The following MAPK9 variants were observed in gnomAD, a reference collection of about 807,000 sequenced individuals.
The protein encoded by MAPK9 is mitogen-activated protein kinase 9, also known as Jun kinase.
A neutral mutation model predicts 57.1 loss-of-function variants in MAPK9; 30 were observed. That is an observed-to-expected ratio of 0.53 (90% CI 0.39 to 0.71). MAPK9 has a LOEUF of 0.71. MAPK9 is among the 30% of genes least tolerant of loss of function. The probability of loss-of-function intolerance (pLI) is 0.00; values close to 1 mark genes in which losing one functional copy is unlikely to be tolerated. For synonymous variants in MAPK9, 155 were observed against 177.0 expected, an observed-to-expected ratio of 0.88 and a Z score of 0.99; for missense variants, 362 against 521.0, an observed-to-expected ratio of 0.69 and a Z score of 2.97.
At chr5:180,254,676 ATAAC>A (rs1401510252) in intron 5 of MAPK9, among the ~76,000 whole-genome samples, 12 of 152,232 alleles carry the variant, frequency 7.9e-5, no homozygotes, top group Admixed American at 7.9e-4. Flanking sequence ...CAAGGAATAA[ATAAC>A]TGAGTTTAAA....
At position 180,252,911 on chromosome 5, in the gene MAPK9, CT is replaced by C. The variant is rs957029302; in HGVS notation, c.451-3774del. On this transcript the variant is annotated intron_variant, in intron 5 of 11. Coordinates refer to ENST00000452135, the MANE Select transcript of MAPK9 (RefSeq NM_002752.5). ...CTAACCTCTGTCTTCCAGATTTCCC[CT>C]GAGGAAGAGAGAACCATGGGCGCCA... 4.1e-4 allele frequency among the ~76,000 whole-genome samples: 63 copies of C among 152,198 alleles called. 1 individual carries two copies. Among genetic ancestry groups the C allele is most frequent in the African/African-American group, 1.4e-3 (56 of 41,440 alleles).
chr5:180,249,369 G>T (rs1758439874), intron 5 of MAPK9, among the ~76,000 whole-genome samples: 1 of 152,082 alleles, frequency 6.6e-6, no homozygotes, highest in Admixed American at 6.5e-5. Context: ...GCCCCCATTT[G>T]CCCTTTCTGT....
In MAPK9 at chr5:180,236,171, G is replaced by C. The variant is rs1396971305; in HGVS notation, c.*213C>G. The C allele has an allele frequency of 2.4e-6, 1 of 420,064 alleles. No individual in the cohort carries two copies. Among genetic ancestry groups the C allele is most frequent in the African/African-American group, 2.0e-5 (1 of 49,492 alleles). The allele number at this position is 420,064 out of a possible 1,614,324, so 26.0% of individuals were successfully genotyped here. A position where few individuals can be genotyped will look rare whatever the true frequency, so the allele number is the denominator to read the frequency against. ...GAAATGATCTTGAACAAAATCTCTA[G>C]AAGTGTGGCTTGCAATTTTTTTCTT... On this transcript the variant is annotated 3_prime_UTR_variant, in exon 12 of 12. Transcript: ENST00000452135.
intron 9 of MAPK9, 84 bp downstream of exon 9, chr5:180,240,947 G>C: frequency 7.0e-7 from 1 of 1,437,214 alleles, no homozygotes; most frequent in East Asian, 2.6e-5. Context: ...CTACCCATAT[G>C]TAGCCACTCT....
rs1225801496 is a variant in MAPK9, at chr5:180,236,216, TTTATC to T, written c.*163_*167del. 1 of 646,360 alleles carries T rather than the reference TTTATC, an allele frequency of 1.5e-6. No homozygotes were observed. Among genetic ancestry groups the T allele is most frequent in the Non-Finnish European group, 2.3e-6 (1 of 437,612 alleles). The allele number at this position is 646,360 out of a possible 1,614,324, so 40.0% of individuals were successfully genotyped here. On this transcript the variant is annotated 3_prime_UTR_variant, in exon 12 of 12. Transcript: ENST00000452135. ...TTTCTTCAGACATATTCTGCCTCAT[TTTATC>T]ATCTAAGCAGGCAATCCTATCAGGT...
intron 11 of MAPK9, chr5:180,237,379 C>T (rs1757255591): frequency 6.6e-6 from 1 of 152,168 alleles, no homozygotes; most frequent in Admixed American, 6.5e-5. Flanking sequence ...ATAACGTGAG[C>T]GTTTCATTTA....
intron 8 of MAPK9, 121 bp from the exon 9 acceptor site, chr5:180,241,276 G>T: frequency 1.8e-6 from 2 of 1,084,394 alleles, no homozygotes; most frequent in Non-Finnish European, 2.6e-6. Context: ...AGAAATGTTT[G>T]ATAGGTTCAA....
At chr5:180,279,764 C>T (rs1483126019) in intron 2 of MAPK9, 1 of 446,270 alleles carries the variant, frequency 2.2e-6, no homozygotes, top group East Asian at 7.1e-5. Context: ...GTGCTGATAG[C>T]TGCAGTCTAG....
chr5:180,259,982 C>T (rs953446430), intron 5 of MAPK9, among the ~76,000 whole-genome samples: 7 of 152,132 alleles, frequency 4.6e-5, no homozygotes, highest in African/African-American at 1.4e-4. Context: ...GGAGGAAAAC[C>T]GTATAATTTA....
At chr5:180,255,278 C>T (rs563882103) in intron 5 of MAPK9, among the ~76,000 whole-genome samples, 1 of 152,052 alleles carries the variant, frequency 6.6e-6, no homozygotes, top group East Asian at 1.9e-4. Context: ...CCCACCAAAA[C>T]AAGGGGGTAA....
chr5:180,247,918 A>T lies in MAPK9; in HGVS notation c.617-408T>A, dbSNP rs1581187183. Reference sequence around the variant, plus strand: ...TCTGCCATGATGCACCCGACAGACCAGATGTCCACTACCAAACACCAGGGG... The same window carrying T: ...TCTGCCATGATGCACCCGACAGACCTGATGTCCACTACCAAACACCAGGGG... On this transcript the variant is annotated intron_variant, in intron 6 of 11. Transcript: ENST00000452135. This position sits in a 1 kb window ranked among gnomAD's most constrained non-coding sequence, Gnocchi z 4.5. 1 of 1,613,874 alleles carries T rather than the reference A, an allele frequency of 6.2e-7. No individual in the cohort carries two copies.
intron 1 of MAPK9, among the ~76,000 whole-genome samples, chr5:180,290,518 G>A (rs188471469): frequency 6.6e-6 from 1 of 152,240 alleles, no homozygotes; most frequent in East Asian, 1.9e-4. Context: ...GTGTCCGTAG[G>A]GTCTAGCAGA....
chr5:180,291,767 C>A (rs976948863), intron 1 of MAPK9, 81 bp downstream of exon 1: 12 of 149,026 alleles, frequency 8.1e-5, no homozygotes, highest in African/African-American at 2.9e-4. Context: ...AAGCCCCCGG[C>A]CGCGCGGTTC....
At chr5:180,261,584 T>C (rs1759971063) in intron 5 of MAPK9, 100 bp downstream of exon 5, 2 of 1,172,424 alleles carry the variant, frequency 1.7e-6, no homozygotes, top group Non-Finnish European at 2.3e-6. Context: ...TATTTGGATT[T>C]TCAAGCCTAA....
chr5:180,238,259 A>G (rs1757345285), intron 11 of MAPK9, 73 bp downstream of exon 11: 3 of 1,219,784 alleles, frequency 2.5e-6, no homozygotes, highest in Non-Finnish European at 3.6e-6. Flanking sequence ...GACAGAACGA[A>G]ACTCTGTCTC....
In MAPK9 at chr5:180,270,687, C is replaced by CA. The variant is rs552146110; in HGVS notation, c.123-1279dup. ...GCAATACAGTGAAACCTTGTCTGTA[C>CA]AAAAAATACAAAGATTAGCTGAGTG... On this transcript the variant is annotated intron_variant, in intron 2 of 11. Transcript: ENST00000452135. Among the ~76,000 whole-genome samples the CA allele has an allele frequency of 6.7e-4, 102 of 151,840 alleles. 1 individual carries two copies. Among genetic ancestry groups the CA allele is most frequent in the Middle Eastern group, 3.4e-3 (1 of 294 alleles).
chr5:180,255,485 T>C (rs1373864596), intron 5 of MAPK9, among the ~76,000 whole-genome samples: 2 of 152,014 alleles, frequency 1.3e-5, no homozygotes, highest in African/African-American at 2.4e-5. Flanking sequence ...GACATCTACA[T>C]GTGCTGAGAG....
At chr5:180,255,896 G>A (rs989711432) in intron 5 of MAPK9, among the ~76,000 whole-genome samples, 9 of 152,158 alleles carry the variant, frequency 5.9e-5, no homozygotes, top group African/African-American at 2.2e-4. Context: ...AGAAATAAAG[G>A]GAGAGGTGGA....
intron 5 of MAPK9, among the ~76,000 whole-genome samples, chr5:180,253,076 T>C (rs35203283): frequency 0.4 from 60,851 of 152,056 alleles, 12,548 homozygotes; most frequent in African/African-American, 0.46. Context: ...TGTCTGCACC[T>C]ACCCTCTGTC....
Sources: allele counts gnomAD v4.1 joint callset (sites outside exome capture counted in the v4.1 genomes callset), GRCh38; gene constraint gnomAD v4.1.1; non-coding constraint Gnocchi (gnomAD v3.1); transcripts MANE v1.5; gene names NCBI Gene and HGNC (gene_info 2026-07-23, HGNC 2026-07-21).